The following TGFA variants were observed in gnomAD, a reference collection of about 807,000 sequenced individuals.
The protein encoded by TGFA is protransforming growth factor alpha.
In TGFA, 12 loss-of-function variants were observed where a neutral mutation model predicts 21.7. The ratio of observed to expected loss-of-function variants is 0.55; its 90% CI spans 0.35 to 0.90. TGFA has a LOEUF of 0.90. TGFA is among the 40% of genes least tolerant of loss of function. TGFA has a pLI of 0.01. For missense variants in TGFA, 178 were observed against 210.8 expected (o/e 0.84, Z 0.96); for synonymous variants, 79 against 88.1 (o/e 0.90, Z 0.58).
chr2:70,470,467 T>TGGAGAGCAACGGTC (rs1282349366), intron 2 of TGFA, among the ~76,000 whole-genome samples: 1 of 152,228 alleles, frequency 6.6e-6, no homozygotes, highest in African/African-American at 2.4e-5. Context: ...AGTCTGTGGT[T>TGGAGAGCAACGGTC]GGAGAGCAAC....
intron 1 of TGFA, among the ~76,000 whole-genome samples, chr2:70,547,330 C>A (rs1673336576): frequency 6.6e-6 from 1 of 152,066 alleles, no homozygotes; most frequent in South Asian, 2.1e-4. Flanking sequence ...CACGGTGGCT[C>A]ATGCCTGTAA....
chr2:70,517,243 CAAG>C (rs1231371118), intron 1 of TGFA, among the ~76,000 whole-genome samples: 14 of 152,368 alleles, frequency 9.2e-5, no homozygotes, highest in African/African-American at 3.4e-4. Context: ...TTGAGCAACA[CAAG>C]AAGAATAGGT....
intron 1 of TGFA, among the ~76,000 whole-genome samples, chr2:70,549,996 C>G (rs573666096): frequency 6.6e-6 from 1 of 152,216 alleles, no homozygotes; most frequent in Non-Finnish European, 1.5e-5. Flanking sequence ...CCTAGGAAAA[C>G]CTCCACTGTC....
chr2:70,479,002 C>T (rs1650938762), intron 2 of TGFA, among the ~76,000 whole-genome samples: 1 of 152,110 alleles, frequency 6.6e-6, no homozygotes, highest in African/African-American at 2.4e-5. Flanking sequence ...TTTTTCTTCC[C>T]AGTTACCAGT....
chr2:70,448,809 C>G lies in TGFA; in HGVS notation c.*2050G>C, dbSNP rs916576657. The G allele has an allele frequency of 5.9e-5, 9 of 152,248 alleles. No homozygotes were observed. Among genetic ancestry groups the G allele is most frequent in the Non-Finnish European group, 8.8e-5 (6 of 68,084 alleles). The allele number at this position is 152,248 out of a possible 1,614,324, so 9.4% of individuals were successfully genotyped here. A position where few individuals can be genotyped will look rare whatever the true frequency, so the allele number is the denominator to read the frequency against. ...AGGATGAGGGCACTGGCAGGTGTGACTTGCTGGACCTAGGAACTAGAACAT... is the reference window on the plus strand; with the variant it reads ...AGGATGAGGGCACTGGCAGGTGTGAGTTGCTGGACCTAGGAACTAGAACAT... On this transcript the variant is annotated 3_prime_UTR_variant, in exon 6 of 6. Transcript: ENST00000295400.
chr2:70,459,704 C>T (rs909065760), intron 3 of TGFA, among the ~76,000 whole-genome samples: 2 of 152,218 alleles, frequency 1.3e-5, no homozygotes, highest in Non-Finnish European at 2.9e-5. Context: ...ATTTGCCATT[C>T]ATGCATGCTG....
chr2:70,553,268 T>C (rs1673572173), intron 1 of TGFA: 1 of 1,535,152 alleles, frequency 6.5e-7, no homozygotes, highest in Non-Finnish European at 8.7e-7. Flanking sequence ...GGCTTAGAGG[T>C]GGGCAGGGGG....
At chr2:70,452,247 C>T (rs782195509) in intron 5 of TGFA, among the ~76,000 whole-genome samples, 1 of 152,140 alleles carries the variant, frequency 6.6e-6, no homozygotes, top group Admixed American at 6.5e-5. Context: ...ACGATGGGCT[C>T]TCTTGGTCAA....
chr2:70,466,669 G>A (rs1670575423), intron 2 of TGFA, among the ~76,000 whole-genome samples: 2 of 152,178 alleles, frequency 1.3e-5, no homozygotes, highest in African/African-American at 4.8e-5. Flanking sequence ...ATTACTTAGA[G>A]TCCCATTACT....
At chr2:70,542,538 A>G (rs1159313405) in intron 1 of TGFA, among the ~76,000 whole-genome samples, 3 of 152,186 alleles carry the variant, frequency 2.0e-5, no homozygotes, top group African/African-American at 7.2e-5. Flanking sequence ...AATAAACAAA[A>G]TCAACCAACC....
chr2:70,503,538 C>T (rs6749213), intron 2 of TGFA, among the ~76,000 whole-genome samples: 8,430 of 149,232 alleles, frequency 0.056, 268 homozygotes, highest in Middle Eastern at 0.1. Flanking sequence ...CAAACCTGCA[C>T]GTTGCGCACA....
At chr2:70,466,304 C>T (rs1259625088) in intron 2 of TGFA, among the ~76,000 whole-genome samples, 4 of 152,136 alleles carry the variant, frequency 2.6e-5, no homozygotes, top group African/African-American at 9.7e-5. Flanking sequence ...GTCAGGAGAT[C>T]GAGACCATCC....
Position 70,448,394 on chromosome 2 carries a change from G to A in TGFA, c.*2465C>T, listed in dbSNP as rs1669950828. On this transcript the variant is annotated 3_prime_UTR_variant, in exon 6 of 6. Coordinates refer to ENST00000295400, the MANE Select transcript of TGFA (RefSeq NM_003236.4). ...AGCGATGCTCCCCACTGCCAGGTGT[G>A]TGGCAGCTTACCAGGTCAGGATGTT... 6.6e-6 allele frequency: 1 copy of A among 152,202 alleles called. No individual in the cohort carries two copies. Among genetic ancestry groups the A allele is most frequent in the Non-Finnish European group, 1.5e-5 (1 of 68,042 alleles). The allele number at this position is 152,202 out of a possible 1,614,324, so 9.4% of individuals were successfully genotyped here.
intron 1 of TGFA, among the ~76,000 whole-genome samples, chr2:70,537,519 G>C (rs149109939): frequency 1.3e-5 from 2 of 152,344 alleles, no homozygotes; most frequent in African/African-American, 4.8e-5. Context: ...AAAATTAAAA[G>C]TGCTACTCCA....
intron 2 of TGFA, among the ~76,000 whole-genome samples, chr2:70,472,866 A>G (rs1670799987): frequency 6.6e-6 from 1 of 152,216 alleles, no homozygotes; most frequent in African/African-American, 2.4e-5. Flanking sequence ...TAACTTTCTA[A>G]CAATTTAATC....
chr2:70,487,366 T>C (rs10469958), intron 2 of TGFA, among the ~76,000 whole-genome samples: 72,265 of 152,050 alleles, frequency 0.48, 17,394 homozygotes, highest in East Asian at 0.58. Flanking sequence ...TTTTGGATTT[T>C]TTCAAATTTT....
intron 3 of TGFA, among the ~76,000 whole-genome samples, chr2:70,457,455 T>A (rs1670269538): frequency 6.6e-6 from 1 of 152,198 alleles, no homozygotes; most frequent in African/African-American, 2.4e-5. Context: ...CACTGGTCCC[T>A]TTGTTACTTC....
intron 1 of TGFA, among the ~76,000 whole-genome samples, chr2:70,544,920 ATAGT>A (rs1459731873): frequency 2.0e-5 from 3 of 152,188 alleles, no homozygotes; most frequent in Non-Finnish European, 4.4e-5. Context: ...CGTACAAAAA[ATAGT>A]TAGAAAGAAT....
chr2:70,519,705 G>A (rs982925809), intron 1 of TGFA, among the ~76,000 whole-genome samples: 5 of 152,230 alleles, frequency 3.3e-5, no homozygotes, highest in Non-Finnish European at 1.5e-5. Flanking sequence ...TGACATCACA[G>A]GAAATGATCC....
Sources: gnomAD v4.1 joint callset for allele counts (sites outside exome capture counted in the v4.1 genomes callset) on GRCh38, gnomAD v4.1.1 for gene constraint, MANE v1.5 for transcripts, NCBI Gene and HGNC (gene_info 2026-07-23, HGNC 2026-07-21) for gene names.